The following DCC variants were observed in gnomAD, a reference collection of about 807,000 sequenced individuals.
DCC encodes the protein DCC netrin 1 receptor, also known as netrin receptor DCC.
In DCC, 58 loss-of-function variants were observed where a neutral mutation model predicts 172.5. The ratio of observed to expected loss-of-function variants is 0.34; its 90% CI spans 0.27 to 0.42. DCC has a LOEUF of 0.42. DCC is among the 10% of genes least tolerant of loss of function. The probability of loss-of-function intolerance (pLI) is 1.00; values close to 1 mark genes in which losing one functional copy is unlikely to be tolerated. For synonymous variants in DCC, 709 were observed against 644.5 expected (o/e 1.10, Z -1.52); for missense variants, 1,740 against 1,791.0 (o/e 0.97, Z 0.51).
At chr18:52,945,420 C>T (rs995059379) in intron 5 of DCC, among the ~76,000 whole-genome samples, 3 of 152,030 alleles carry the variant, frequency 2.0e-5, no homozygotes, top group East Asian at 1.9e-4. Flanking sequence ...TTTGCATAGT[C>T]GTTAGAGGAA....
At chr18:52,370,833 A>AT (rs1022442906) in intron 1 of DCC, among the ~76,000 whole-genome samples, 1 of 152,238 alleles carries the variant, frequency 6.6e-6, no homozygotes, top group African/African-American at 2.4e-5. Context: ...TTTAAAAAAT[A>AT]TTTTTTGATG....
At chr18:53,346,239 T>C (rs2057723157) in intron 15 of DCC, among the ~76,000 whole-genome samples, 1 of 152,150 alleles carries the variant, frequency 6.6e-6, no homozygotes, top group South Asian at 2.1e-4. Flanking sequence ...ATATTTGATT[T>C]CCAGCAGCTA....
At chr18:52,649,720 C>A (rs990164208) in intron 1 of DCC, among the ~76,000 whole-genome samples, 2 of 152,042 alleles carry the variant, frequency 1.3e-5, no homozygotes, top group Non-Finnish European at 2.9e-5. Flanking sequence ...ATCCATGTTG[C>A]CACAAAAAGA....
chr18:53,173,311 A>C (rs2144452220), intron 8 of DCC, among the ~76,000 whole-genome samples: 1 of 152,258 alleles, frequency 6.6e-6, no homozygotes, highest in South Asian at 2.1e-4. Context: ...CTGCACTTCT[A>C]AAAGAATGCC....
chr18:52,593,136 ATT>A (rs1244998162), intron 1 of DCC, among the ~76,000 whole-genome samples: 1 of 151,862 alleles, frequency 6.6e-6, no homozygotes, highest in African/African-American at 2.4e-5. Context: ...ATCTTCTGGG[ATT>A]TTTTTTCTCT....
chr18:52,856,963 T>C (rs560194135), intron 2 of DCC, among the ~76,000 whole-genome samples: 1 of 152,338 alleles, frequency 6.6e-6, no homozygotes, highest in Admixed American at 6.5e-5. Context: ...CTCTAGGCTA[T>C]GAGTGTGGGT....
At chr18:52,609,983 A>G (rs1015299318) in intron 1 of DCC, among the ~76,000 whole-genome samples, 3 of 150,916 alleles carry the variant, frequency 2.0e-5, no homozygotes, top group Non-Finnish European at 2.9e-5. Context: ...GGTTTCTAAA[A>G]GAAATATTAA....
At chr18:52,835,096 T>C (rs1228070599) in intron 2 of DCC, among the ~76,000 whole-genome samples, 1 of 152,252 alleles carries the variant, frequency 6.6e-6, no homozygotes, top group Non-Finnish European at 1.5e-5. Context: ...AATTCACTGA[T>C]ATACACGATT....
At chr18:53,365,153 C>T (rs1474151485) in intron 15 of DCC, among the ~76,000 whole-genome samples, 1 of 151,598 alleles carries the variant, frequency 6.6e-6, no homozygotes, top group Non-Finnish European at 1.5e-5. Flanking sequence ...TCAATTCCCA[C>T]CTATGAGTGA....
intron 3 of DCC, among the ~76,000 whole-genome samples, chr18:52,917,343 G>A (rs2040057929): frequency 6.6e-6 from 1 of 151,896 alleles, no homozygotes; most frequent in Non-Finnish European, 1.5e-5. Context: ...AATATTTAAT[G>A]AACAAATATT....
chr18:52,974,090 A>C (rs1435072296), intron 5 of DCC, among the ~76,000 whole-genome samples: 1 of 152,138 alleles, frequency 6.6e-6, no homozygotes, highest in Non-Finnish European at 1.5e-5. Flanking sequence ...AATACAGTGA[A>C]GAATATATTA....
chr18:53,161,566 A>T (rs751007221), intron 8 of DCC, among the ~76,000 whole-genome samples: 16 of 152,034 alleles, frequency 1.1e-4, no homozygotes, highest in Non-Finnish European at 1.8e-4. Context: ...TGCAATCCAT[A>T]CTCATATACA....
intron 1 of DCC, among the ~76,000 whole-genome samples, chr18:52,715,553 C>A (rs2036366213): frequency 6.6e-6 from 1 of 152,096 alleles, no homozygotes; most frequent in African/African-American, 2.4e-5. Context: ...CATCTGCCTG[C>A]CTCAGCCTCC....
At chr18:52,875,121 T>C (rs1253707016) in intron 2 of DCC, among the ~76,000 whole-genome samples, 3 of 152,100 alleles carry the variant, frequency 2.0e-5, no homozygotes, top group Non-Finnish European at 4.4e-5. Flanking sequence ...TCCTTTGCTC[T>C]CTCTGGAGTT....
At chr18:52,390,354 G>C (rs1374607636) in intron 1 of DCC, among the ~76,000 whole-genome samples, 1 of 152,024 alleles carries the variant, frequency 6.6e-6, no homozygotes, top group African/African-American at 2.4e-5. Context: ...CAATCGTCTG[G>C]TGAGCACACC....
intron 2 of DCC, among the ~76,000 whole-genome samples, chr18:52,850,070 G>A (rs1291133471): frequency 6.6e-6 from 1 of 152,088 alleles, no homozygotes; most frequent in Non-Finnish European, 1.5e-5. Context: ...AATCAGTTTT[G>A]GATGGTCAAG....
chr18:53,267,173 CAGAG>C (rs779103774), intron 12 of DCC, among the ~76,000 whole-genome samples: 2 of 150,904 alleles, frequency 1.3e-5, no homozygotes, highest in African/African-American at 2.4e-5. Context: ...GAGACAGAGA[CAGAG>C]AGACAGAGAC....
intron 5 of DCC, among the ~76,000 whole-genome samples, chr18:53,059,606 T>C (rs1336896203): frequency 6.6e-6 from 1 of 152,200 alleles, no homozygotes; most frequent in Non-Finnish European, 1.5e-5. Flanking sequence ...TTAATATTTC[T>C]GAAAAGTATT....
At chr18:53,305,532 G>T in intron 12 of DCC, 46 bp from the exon 13 acceptor site, 2 of 1,535,562 alleles carry the variant, frequency 1.3e-6, no homozygotes, top group South Asian at 2.2e-5. Context: ...CTGTCCCATT[G>T]TCCTTTCTTT....
Sources: allele counts gnomAD v4.1 joint callset (sites outside exome capture counted in the v4.1 genomes callset), GRCh38; gene constraint gnomAD v4.1.1; transcripts MANE v1.5; gene names NCBI Gene and HGNC (gene_info 2026-07-23, HGNC 2026-07-21).